Variants in BAZ1B observed in about 807,000 individuals in gnomAD.
BAZ1B encodes bromodomain adjacent to zinc finger domain 1B, also known as tyrosine-protein kinase BAZ1B.
BAZ1B carries 22 observed loss-of-function variants against 153.8 expected under a neutral mutation model. That is an observed-to-expected ratio of 0.14 (90% CI 0.10 to 0.20). BAZ1B has a LOEUF of 0.20. BAZ1B is among the 10% of genes least tolerant of loss of function. The pLI, the probability that BAZ1B is intolerant of heterozygous loss-of-function variation, is 1.00. For missense variants in BAZ1B, 1,325 were observed against 1,799.3 expected (o/e 0.74, Z 4.77); for synonymous variants, 676 against 633.4 (o/e 1.07, Z -1.01).
intron 7 of BAZ1B, among the ~76,000 whole-genome samples, chr7:73,473,656 A>T (rs1788896589): frequency 6.6e-6 from 1 of 152,224 alleles, no homozygotes; most frequent in Non-Finnish European, 1.5e-5. Flanking sequence ...AGTGTAAACT[A>T]AAATTTGTTT....
Position 73,459,582 on chromosome 7 carries a change from T to G in BAZ1B, c.3386A>C (p.Lys1129Thr). 6.2e-7 allele frequency: 1 copy of G among 1,613,988 alleles called. No individual in the cohort carries two copies. Among genetic ancestry groups the G allele is most frequent in the Non-Finnish European group, 8.5e-7 (1 of 1,179,998 alleles). The change falls in exon 13 of 20, where the codon AAA becomes ACA. Residue 1129 changes from lysine to threonine, a missense_variant. By Grantham distance (78) the Lys-to-Thr change is moderately conservative. This residue lies in a region of BAZ1B where 431 missense variants were observed against 563.5 expected (regional missense o/e 0.76). Coordinates refer to ENST00000339594, the MANE Select transcript of BAZ1B (RefSeq NM_032408.4). ...RRKLQSEDSA[K>T]TEEVDEEKKM... Reference sequence around the variant, plus strand: ...CTTCTCTTCATCCACTTCCTCAGTTTTTGCTGAATCTTCACTTTGGAGTTT... The same window carrying G: ...CTTCTCTTCATCCACTTCCTCAGTTGTTGCTGAATCTTCACTTTGGAGTTT...
At chr7:73,488,188 C>A (rs1314503880) in intron 6 of BAZ1B, among the ~76,000 whole-genome samples, 1 of 152,110 alleles carries the variant, frequency 6.6e-6, no homozygotes, top group African/African-American at 2.4e-5. Context: ...CAGTATGCTG[C>A]GTTACATTTA....
chr7:73,465,500 G>T lies in BAZ1B; in HGVS notation c.3010C>A (p.Leu1004Ile). 2 of 1,610,314 alleles carry T rather than the reference G, an allele frequency of 1.2e-6. No homozygotes were observed. Among genetic ancestry groups the T allele is most frequent in the Non-Finnish European group, 1.7e-6 (2 of 1,178,468 alleles). ...CDSQKELDEL[L>I]NCLHPQGIRE... is the part of the protein sequence containing the mutation. ...ATTCCCTGAGGGTGAAGACAGTTTA[G>T]CAACTCATCCAGCTCCTTTTGACTA... The change falls in exon 11 of 20, where the codon CTA becomes ATA. Residue 1004 changes from leucine (L) to isoleucine (I), a missense_variant. Physicochemically the swap from Leu to Ile is conservative, Grantham distance 5 (BLOSUM62 2). This residue lies in a region of BAZ1B where 431 missense variants were observed against 563.5 expected (regional missense o/e 0.76). Transcript: ENST00000339594.
At chr7:73,498,291 A>G (rs1426854096) in intron 4 of BAZ1B, among the ~76,000 whole-genome samples, 2 of 152,128 alleles carry the variant, frequency 1.3e-5, no homozygotes, top group African/African-American at 4.8e-5. Context: ...ACTAGAGGAA[A>G]CGACTTCCCA....
intron 5 of BAZ1B, among the ~76,000 whole-genome samples, 191 bp from the exon 6 acceptor site, chr7:73,489,582 AG>A (rs566311315): frequency 4.2e-4 from 64 of 152,344 alleles, no homozygotes; most frequent in South Asian, 3.5e-3. Context: ...CAGGAGGCCA[AG>A]GTATAAAGAT....
At position 73,454,513 on chromosome 7, in the gene BAZ1B, G is replaced by A. The variant is rs190552338; in HGVS notation, c.3433-3519C>T. On this transcript the variant is annotated intron_variant, in intron 13 of 19. Transcript: ENST00000339594. ...CCTCGGCCTCAGGAAGAAATGTAGG[G>A]GGAACATGACAACTATGTATAAACA... Among the ~76,000 whole-genome samples, 23 of 152,252 alleles carry A rather than the reference G, an allele frequency of 1.5e-4. No individual in the cohort carries two copies. The East Asian group carries it at 4.2e-3, about 28-fold the overall frequency.
rs782748669 is a variant in BAZ1B at position 73,478,335 on chromosome 7, T to G, written c.1126A>C (p.Asn376His). ...LEEMMKMMSP[N>H]KLHTNFHIPK... Reference sequence around the variant, plus strand: ...ATGTGAAAGTTAGTGTGCAGCTTATTGGGCGACATCATCTTCATCATTTCT... The same window carrying G: ...ATGTGAAAGTTAGTGTGCAGCTTATGGGGCGACATCATCTTCATCATTTCT... Residue 376 changes from asparagine to histidine, a missense_variant, in exon 7 of 20, where the codon AAT becomes CAT. By Grantham distance (68) the Asn-to-His change is moderately conservative. Transcript: ENST00000339594. The G allele has an allele frequency of 2.5e-6, 4 of 1,613,836 alleles. No individual in the cohort carries two copies. Among genetic ancestry groups the G allele is most frequent in the Non-Finnish European group, 3.4e-6 (4 of 1,179,952 alleles).
chr7:73,463,941 T>A (rs1033225037), intron 11 of BAZ1B, among the ~76,000 whole-genome samples: 8 of 152,106 alleles, frequency 5.3e-5, no homozygotes, highest in Non-Finnish European at 8.8e-5. Context: ...CTCCTGACCT[T>A]GTGATCCGCC....
At chr7:73,517,355 G>A (rs572976096) in intron 1 of BAZ1B, among the ~76,000 whole-genome samples, 3 of 152,102 alleles carry the variant, frequency 2.0e-5, no homozygotes, top group South Asian at 2.1e-4. Flanking sequence ...AAAATTAGGC[G>A]TGGTGGTGTG....
intron 12 of BAZ1B, 45 bp downstream of exon 12, chr7:73,462,877 T>G: frequency 2.8e-5 from 44 of 1,591,002 alleles, no homozygotes; most frequent in Non-Finnish European, 3.6e-5. Context: ...AACTTCAGAT[T>G]GAGTTGCCAT....
chr7:73,498,147 A>C (rs550706549), intron 4 of BAZ1B, among the ~76,000 whole-genome samples: 49 of 152,136 alleles, frequency 3.2e-4, no homozygotes, highest in African/African-American at 1.2e-3. Flanking sequence ...TTTAGTAGAG[A>C]CAGGGTTTCA....
At chr7:73,510,948 T>C (rs56035107) in intron 1 of BAZ1B, 96 bp from the exon 2 acceptor site, 10 of 995,140 alleles carry the variant, frequency 1.0e-5, no homozygotes, top group Non-Finnish European at 1.5e-5. Context: ...TCTAGTCTCC[T>C]TTTTAAAATG....
chr7:73,518,650 C>T (rs571484561), intron 1 of BAZ1B, among the ~76,000 whole-genome samples: 63 of 152,178 alleles, frequency 4.1e-4, no homozygotes, highest in African/African-American at 1.5e-3. Flanking sequence ...CTTCCCTGTG[C>T]TACCACCTCG....
intron 1 of BAZ1B, among the ~76,000 whole-genome samples, chr7:73,513,623 C>T (rs1260912276): frequency 6.6e-6 from 1 of 152,080 alleles, no homozygotes; most frequent in Non-Finnish European, 1.5e-5. Context: ...TTTTTGTCTA[C>T]TGAACTAGGG....
At chr7:73,494,951 G>A (rs1345239539) in intron 4 of BAZ1B, among the ~76,000 whole-genome samples, 1 of 152,216 alleles carries the variant, frequency 6.6e-6, no homozygotes, top group Non-Finnish European at 1.5e-5. Flanking sequence ...TACAAGAAGA[G>A]TGAAGTCAAT....
chr7:73,467,721 G>GA (rs1184059738), intron 9 of BAZ1B, among the ~76,000 whole-genome samples: 3 of 152,046 alleles, frequency 2.0e-5, no homozygotes, highest in African/African-American at 7.2e-5. Context: ...TGGAAAACAC[G>GA]AAACAACATC....
rs1490825852 is a variant in BAZ1B at position 73,522,181 on chromosome 7, C to T, written c.-248G>A. The T allele has an allele frequency of 2.5e-6, 1 of 394,424 alleles. No homozygotes were observed. Among genetic ancestry groups the T allele is most frequent in the Non-Finnish European group, 4.5e-6 (1 of 223,512 alleles). 24.4% of individuals were successfully genotyped at this position (394,424 alleles called of 1,614,324 possible). On this transcript the variant is annotated 5_prime_UTR_variant, in exon 1 of 20. Coordinates refer to ENST00000339594, the MANE Select transcript of BAZ1B (RefSeq NM_032408.4). The stretch of plus-strand genomic sequence containing the variant: ...CCCAGCAGCCCCCCGCCGACCTCCG[C>T]TTCGGGTCCCGGCGGCCGGCAGTCA...
chr7:73,475,828 G>T (rs569953166), intron 7 of BAZ1B, among the ~76,000 whole-genome samples: 2 of 151,534 alleles, frequency 1.3e-5, no homozygotes, highest in African/African-American at 4.8e-5. Flanking sequence ...GGAGGCTGAG[G>T]CAGGAGAATC....
chr7:73,497,523 T>TA (rs1480463397), intron 4 of BAZ1B, among the ~76,000 whole-genome samples: 5 of 151,752 alleles, frequency 3.3e-5, no homozygotes, highest in Non-Finnish European at 7.4e-5. Context: ...TAGCAAATGA[T>TA]AGACTAGTAT....
Sources: gnomAD v4.1 joint callset for allele counts (sites outside exome capture counted in the v4.1 genomes callset) on GRCh38, gnomAD v4.1.1 for gene constraint, gnomAD v4.1.1 regional missense constraint, MANE v1.5 for transcripts, NCBI Gene and HGNC (gene_info 2026-07-23, HGNC 2026-07-21) for gene names.